The following NTNG1 variants were observed in gnomAD, a reference collection of about 807,000 sequenced individuals.
NTNG1 encodes netrin-G1.
NTNG1 carries 16 observed loss-of-function variants against 54.0 expected under a neutral mutation model. The observed-to-expected ratio is 0.30, with a 90% confidence interval of 0.20 to 0.45. NTNG1 has a LOEUF of 0.45. Ranked by LOEUF, NTNG1 falls within the 20% of genes least tolerant of loss-of-function variation. The pLI is 1.00. For missense variants in NTNG1, 530 were observed against 678.7 expected (o/e 0.78, Z 2.43); for synonymous variants, 255 against 263.1 (o/e 0.97, Z 0.30).
rs1678824198 is a variant in NTNG1 at position 107,483,080 on chromosome 1, A to T, written c.*2240A>T. 6.6e-6 allele frequency: 1 copy of T among 152,234 alleles called. No homozygotes were observed. Among genetic ancestry groups the T allele is most frequent in the Non-Finnish European group, 1.5e-5 (1 of 68,048 alleles). The allele number at this position is 152,234 out of a possible 1,614,324, so 9.4% of individuals were successfully genotyped here. ...AGAAACACATGAAAATGCTGATAAC[A>T]TAGGGAGTTTGAGATTATTTATAAT... On this transcript the variant is annotated 3_prime_UTR_variant, in exon 8 of 8. Coordinates refer to ENST00000370068, the MANE Select transcript of NTNG1 (RefSeq NM_001113226.3).
chr1:107,481,191 C>T lies in NTNG1; in HGVS notation c.*351C>T, dbSNP rs371890008. On this transcript the variant is annotated 3_prime_UTR_variant, in exon 8 of 8. Coordinates refer to ENST00000370068, the MANE Select transcript of NTNG1 (RefSeq NM_001113226.3). ...GACCTAAAAACATTGGCTACTCTAG[C>T]GTGGTGCGCCCTAGTACGACTCCGC... 14 of 307,222 alleles carry T rather than the reference C, an allele frequency of 4.6e-5. No individual in the cohort carries two copies. The highest frequency in any genetic ancestry group is 8.0e-5 in the Non-Finnish European group (13 of 163,132). The allele number at this position is 307,222 out of a possible 1,614,324, so 19.0% of individuals were successfully genotyped here.
intron 2 of NTNG1, among the ~76,000 whole-genome samples, chr1:107,319,478 C>G (rs1029829703): frequency 6.6e-6 from 1 of 152,072 alleles, no homozygotes; most frequent in African/African-American, 2.4e-5. Context: ...AAAGGCCTTG[C>G]GTTGGAAACA....
At chr1:107,376,057 T>C (rs1231931376) in intron 3 of NTNG1, among the ~76,000 whole-genome samples, 1 of 152,242 alleles carries the variant, frequency 6.6e-6, no homozygotes, top group East Asian at 1.9e-4. Context: ...TGAGCACTTA[T>C]ATTGTGTTAG....
chr1:107,367,234 C>G (rs1043769972), intron 3 of NTNG1, among the ~76,000 whole-genome samples: 4 of 151,990 alleles, frequency 2.6e-5, no homozygotes, highest in Non-Finnish European at 5.9e-5. Context: ...CCATGCCTGC[C>G]CCAAAGAAGA....
chr1:107,432,204 A>C (rs1675311562), intron 6 of NTNG1, among the ~76,000 whole-genome samples: 1 of 152,184 alleles, frequency 6.6e-6, no homozygotes, highest in Admixed American at 6.5e-5. Context: ...TCAGAAAAGG[A>C]TAAATGGGAT....
intron 4 of NTNG1, among the ~76,000 whole-genome samples, chr1:107,398,640 C>T (rs971128565): frequency 6.6e-6 from 1 of 152,124 alleles, no homozygotes; most frequent in Non-Finnish European, 1.5e-5. Context: ...TATTTTTATT[C>T]ATCATGCTTT....
intron 4 of NTNG1, among the ~76,000 whole-genome samples, chr1:107,398,771 T>G (rs1672843653): frequency 6.6e-6 from 1 of 152,212 alleles, no homozygotes; most frequent in African/African-American, 2.4e-5. Context: ...TTCTCCTTAT[T>G]GATCTTCATT....
At chr1:107,185,308 G>A (rs1343763942) in intron 2 of NTNG1, among the ~76,000 whole-genome samples, 2 of 152,186 alleles carry the variant, frequency 1.3e-5, no homozygotes, top group African/African-American at 4.8e-5. Context: ...TCCCTGTGAA[G>A]GCTCTGGGGA....
chr1:107,394,880 A>G (rs1339466193), intron 3 of NTNG1, among the ~76,000 whole-genome samples: 1 of 152,104 alleles, frequency 6.6e-6, no homozygotes, highest in African/African-American at 2.4e-5. Flanking sequence ...GAGCACAGTT[A>G]TCTTGCGGGA....
Position 107,291,006 on chromosome 1 carries a change from C to T in NTNG1, c.247-33276C>T, listed in dbSNP as rs530640710. Among the ~76,000 whole-genome samples the T allele has an allele frequency of 1.6e-4, 24 of 145,574 alleles. 1 individual carries two copies. Among genetic ancestry groups the T allele is most frequent in the African/African-American group, 4.5e-4 (17 of 37,976 alleles). On this transcript the variant is annotated intron_variant, in intron 2 of 7. Transcript: ENST00000370068. ...ATATACACACACACATACATACACACGCATATATATGCATAGATAAATATA... is the reference window on the plus strand; with the variant it reads ...ATATACACACACACATACATACACATGCATATATATGCATAGATAAATATA...
At chr1:107,336,268 A>T (rs1668572825) in intron 3 of NTNG1, among the ~76,000 whole-genome samples, 1 of 151,780 alleles carries the variant, frequency 6.6e-6, no homozygotes, top group Non-Finnish European at 1.5e-5. Flanking sequence ...TAGACATACG[A>T]ACCAAAGAAA....
chr1:107,413,927 G>T (rs1176829832), intron 5 of NTNG1, among the ~76,000 whole-genome samples: 1 of 151,514 alleles, frequency 6.6e-6, no homozygotes, highest in Non-Finnish European at 1.5e-5. Flanking sequence ...AACAATAATA[G>T]AAAAAAAATC....
chr1:107,415,060 T>G (rs972633240), intron 5 of NTNG1, among the ~76,000 whole-genome samples: 29 of 152,302 alleles, frequency 1.9e-4, no homozygotes, highest in Admixed American at 1.8e-3. Context: ...GATTTTGGTC[T>G]CCATACTACA....
At chr1:107,197,088 T>C (rs1326938064) in intron 2 of NTNG1, among the ~76,000 whole-genome samples, 1 of 152,084 alleles carries the variant, frequency 6.6e-6, no homozygotes, top group Non-Finnish European at 1.5e-5. Context: ...GTAAAACTAT[T>C]TATTGTTTAT....
At chr1:107,273,334 G>A (rs1281828692) in intron 2 of NTNG1, among the ~76,000 whole-genome samples, 1 of 152,170 alleles carries the variant, frequency 6.6e-6, no homozygotes, top group African/African-American at 2.4e-5. Flanking sequence ...AGAATGTATT[G>A]GCTTGTGAAT....
intron 2 of NTNG1, among the ~76,000 whole-genome samples, chr1:107,203,686 T>C (rs1020597701): frequency 3.6e-4 from 55 of 151,484 alleles, no homozygotes; most frequent in Non-Finnish European, 1.2e-4. Context: ...TTGACCTTTG[T>C]TTTATACTTT....
chr1:107,202,680 G>A (rs1291264457), intron 2 of NTNG1, among the ~76,000 whole-genome samples: 1 of 151,756 alleles, frequency 6.6e-6, no homozygotes, highest in Non-Finnish European at 1.5e-5. Flanking sequence ...ACTTACAGTA[G>A]CATTCATCCA....
chr1:107,359,984 A>C (rs1416197563), intron 3 of NTNG1, among the ~76,000 whole-genome samples: 1 of 151,994 alleles, frequency 6.6e-6, no homozygotes, highest in East Asian at 1.9e-4. Flanking sequence ...TCGACACAAC[A>C]TTTTACTTAT....
At chr1:107,263,249 T>C (rs557296500) in intron 2 of NTNG1, among the ~76,000 whole-genome samples, 1 of 152,054 alleles carries the variant, frequency 6.6e-6, no homozygotes, top group African/African-American at 2.4e-5. Context: ...TGGGAAAAGC[T>C]AATAACAGTT....
Sources: gnomAD v4.1 joint callset for allele counts (sites outside exome capture counted in the v4.1 genomes callset) on GRCh38, gnomAD v4.1.1 for gene constraint, MANE v1.5 for transcripts, NCBI Gene and HGNC (gene_info 2026-07-23, HGNC 2026-07-21) for gene names.